Variants in DPYD observed in about 807,000 individuals in gnomAD.
The protein encoded by DPYD is dihydropyrimidine dehydrogenase [NADP(+)].
Under a neutral mutation model 116.2 loss-of-function variants are expected in DPYD, and 109 were observed. The observed-to-expected ratio is 0.94, with a 90% confidence interval of 0.80 to 1.10. The LOEUF (loss-of-function observed/expected upper bound fraction) is 1.10, where lower values mean the gene tolerates loss of function less well. DPYD is among the 50% of genes least tolerant of loss of function. The pLI, the probability that DPYD is intolerant of heterozygous loss-of-function variation, is 0.00. For synonymous variants in DPYD, 440 were observed against 432.0 expected, an observed-to-expected ratio of 1.02 and a Z score of -0.23; for missense variants, 1,302 against 1,254.5, an observed-to-expected ratio of 1.04 and a Z score of -0.57.
At chr1:97,339,404 A>G (rs1439438678) in intron 16 of DPYD, among the ~76,000 whole-genome samples, 1 of 152,184 alleles carries the variant, frequency 6.6e-6, no homozygotes, top group Admixed American at 6.5e-5. Context: ...AATGCTAATG[A>G]AAAAAATTCT....
At chr1:97,591,546 C>T (rs1174858397) in intron 10 of DPYD, among the ~76,000 whole-genome samples, 1 of 152,130 alleles carries the variant, frequency 6.6e-6, no homozygotes, top group African/African-American at 2.4e-5. Context: ...TTGTTTGTGT[C>T]TTAGTTCTAC....
At chr1:97,502,673 G>T (rs559476474) in intron 13 of DPYD, among the ~76,000 whole-genome samples, 17 of 152,102 alleles carry the variant, frequency 1.1e-4, no homozygotes, top group Middle Eastern at 3.4e-3. Context: ...TGTGAGAAAT[G>T]ATGGGGGCTG....
At chr1:97,489,217 C>T (rs1392252804) in intron 13 of DPYD, among the ~76,000 whole-genome samples, 1 of 152,144 alleles carries the variant, frequency 6.6e-6, no homozygotes, top group Non-Finnish European at 1.5e-5. Flanking sequence ...TTTCACGGAA[C>T]CACAGAATTT....
intron 11 of DPYD, among the ~76,000 whole-genome samples, chr1:97,572,555 A>G (rs1652972612): frequency 6.6e-6 from 1 of 151,992 alleles, no homozygotes; most frequent in Admixed American, 6.6e-5. Context: ...TTGGTGATGT[A>G]CATAGTATTT....
At chr1:97,808,858 G>A (rs977535616) in intron 3 of DPYD, among the ~76,000 whole-genome samples, 3 of 151,956 alleles carry the variant, frequency 2.0e-5, no homozygotes, top group African/African-American at 4.8e-5. Flanking sequence ...TAAACTTTAA[G>A]TGACTCTTTC....
At chr1:97,780,303 CATT>C (rs1285923632) in intron 3 of DPYD, among the ~76,000 whole-genome samples, 1 of 152,256 alleles carries the variant, frequency 6.6e-6, no homozygotes, top group African/African-American at 2.4e-5. Flanking sequence ...AAGACTTCGA[CATT>C]GTTGTTTTGA....
At chr1:97,082,198 A>G in intron 22 of DPYD, 132 bp downstream of exon 22, 1 of 1,080,530 alleles carries the variant, frequency 9.3e-7, no homozygotes, top group Non-Finnish European at 1.4e-6. Flanking sequence ...GGACAGAAAG[A>G]TGTACTGTTG....
chr1:97,521,608 C>T (rs1490157192), intron 12 of DPYD, among the ~76,000 whole-genome samples: 2 of 152,092 alleles, frequency 1.3e-5, no homozygotes, highest in Non-Finnish European at 2.9e-5. Flanking sequence ...CAACACAATC[C>T]TAAGCAAAAA....
chr1:97,433,410 A>C (rs1406495168), intron 14 of DPYD, among the ~76,000 whole-genome samples: 1 of 152,190 alleles, frequency 6.6e-6, no homozygotes, highest in East Asian at 1.9e-4. Context: ...GTGTCTCTAC[A>C]GTGACATCTT....
chr1:97,398,619 C>T (rs1221332380), intron 14 of DPYD, among the ~76,000 whole-genome samples: 1 of 152,112 alleles, frequency 6.6e-6, no homozygotes, highest in Non-Finnish European at 1.5e-5. Flanking sequence ...TGTTTCCTGA[C>T]TTTTTAATGA....
At chr1:97,535,952 C>T (rs1416087256) in intron 12 of DPYD, among the ~76,000 whole-genome samples, 1 of 152,044 alleles carries the variant, frequency 6.6e-6, no homozygotes, top group Non-Finnish European at 1.5e-5. Context: ...ACAATTTAAC[C>T]TGAATGTACT....
At chr1:97,141,369 A>G (rs567012231) in intron 20 of DPYD, among the ~76,000 whole-genome samples, 1 of 152,122 alleles carries the variant, frequency 6.6e-6, no homozygotes, top group South Asian at 2.1e-4. Context: ...TACTCCCCCT[A>G]TCTACTCTAC....
chr1:97,374,230 A>C (rs752492250), intron 15 of DPYD, among the ~76,000 whole-genome samples: 23 of 152,250 alleles, frequency 1.5e-4, no homozygotes, highest in Non-Finnish European at 2.9e-4. Context: ...TCTAAGAAAT[A>C]GGAAGTATTG....
At chr1:97,722,464 G>T (rs965585436) in intron 4 of DPYD, among the ~76,000 whole-genome samples, 1 of 151,476 alleles carries the variant, frequency 6.6e-6, no homozygotes, top group Non-Finnish European at 1.5e-5. Flanking sequence ...CTAATGTAGG[G>T]TGTTAATAAT....
chr1:97,719,587 C>T (rs1470076782), intron 5 of DPYD, among the ~76,000 whole-genome samples: 1 of 151,562 alleles, frequency 6.6e-6, no homozygotes, highest in Non-Finnish European at 1.5e-5. Flanking sequence ...TACTTTTTTC[C>T]GTGAATATCA....
At chr1:97,668,554 T>C (rs2100888216) in intron 8 of DPYD, among the ~76,000 whole-genome samples, 1 of 152,232 alleles carries the variant, frequency 6.6e-6, no homozygotes, top group East Asian at 1.9e-4. Flanking sequence ...CTGTAACATA[T>C]AATTGCTAGC....
intron 10 of DPYD, among the ~76,000 whole-genome samples, chr1:97,590,526 T>C (rs1654435021): frequency 6.6e-6 from 1 of 152,204 alleles, no homozygotes; most frequent in African/African-American, 2.4e-5. Flanking sequence ...TCAAGGTCAA[T>C]TAGTTTTAAT....
intron 3 of DPYD, among the ~76,000 whole-genome samples, chr1:97,795,278 A>G (rs984963949): frequency 8.5e-5 from 13 of 152,078 alleles, no homozygotes; most frequent in African/African-American, 3.1e-4. Flanking sequence ...CATATTCACC[A>G]TATTTAATTC....
At chr1:97,491,052 G>A (rs2101903747) in intron 13 of DPYD, among the ~76,000 whole-genome samples, 1 of 148,520 alleles carries the variant, frequency 6.7e-6, no homozygotes, top group Non-Finnish European at 1.5e-5. Flanking sequence ...CTCATAAAAT[G>A]ATCTAATGAC....
Sources: gnomAD v4.1 joint callset for allele counts (sites outside exome capture counted in the v4.1 genomes callset) on GRCh38, gnomAD v4.1.1 for gene constraint, MANE v1.5 for transcripts, NCBI Gene and HGNC (gene_info 2026-07-23, HGNC 2026-07-21) for gene names.